RGS7: variants seen among roughly 807,000 people sequenced by gnomAD.
RGS7 encodes the protein regulator of G protein signaling 7.
RGS7 carries 27 observed loss-of-function variants against 81.1 expected under a neutral mutation model. That is an observed-to-expected ratio of 0.33 (90% CI 0.25 to 0.46). The LOEUF (loss-of-function observed/expected upper bound fraction) is 0.46. Among genes scored for constraint, RGS7 ranks in the 20% least tolerant of loss-of-function variants. The pLI, the probability that RGS7 is intolerant of heterozygous loss-of-function variation, is 1.00. For missense variants in RGS7, 396 were observed against 607.4 expected, an observed-to-expected ratio of 0.65 and a Z score of 3.66; for synonymous variants, 208 against 207.7, an observed-to-expected ratio of 1.00 and a Z score of -0.01.
At chr1:240,783,651 A>G (rs970479841) in intron 18 of RGS7, among the ~76,000 whole-genome samples, 1 of 151,830 alleles carries the variant, frequency 6.6e-6, no homozygotes, top group Non-Finnish European at 1.5e-5. Context: ...AAAATAAAAA[A>G]AAATCGTTCT....
chr1:241,122,405 G>A (rs1420891569), intron 2 of RGS7, among the ~76,000 whole-genome samples: 1 of 152,108 alleles, frequency 6.6e-6, no homozygotes, highest in African/African-American at 2.4e-5. Flanking sequence ...TCTGATGCCT[G>A]TAATCCCAGA....
chr1:240,818,135 A>T (rs1199348343), intron 10 of RGS7, among the ~76,000 whole-genome samples: 1 of 152,042 alleles, frequency 6.6e-6, no homozygotes, highest in African/African-American at 2.4e-5. Context: ...CAACACAAGG[A>T]TTTGCTCATA....
intron 4 of RGS7, among the ~76,000 whole-genome samples, chr1:240,959,943 T>G (rs1309315334): frequency 1.3e-5 from 2 of 152,088 alleles, no homozygotes; most frequent in Non-Finnish European, 2.9e-5. Context: ...GTGGTTCACC[T>G]GAGGTCAGGA....
intron 3 of RGS7, among the ~76,000 whole-genome samples, chr1:241,030,313 G>A (rs558315447): frequency 6.9e-6 from 1 of 144,972 alleles, no homozygotes; most frequent in Non-Finnish European, 1.5e-5. Flanking sequence ...CCCTCCCACA[G>A]GGCTTGGAAT....
intron 2 of RGS7, among the ~76,000 whole-genome samples, chr1:241,213,818 G>A (rs2074390004): frequency 6.6e-6 from 1 of 152,196 alleles, no homozygotes; most frequent in Admixed American, 6.5e-5. Flanking sequence ...AGGCTGGAGT[G>A]TAGCAGTGCA....
intron 3 of RGS7, among the ~76,000 whole-genome samples, chr1:241,049,654 A>G (rs1049193019): frequency 1.4e-4 from 21 of 152,162 alleles, no homozygotes; most frequent in Admixed American, 5.9e-4. Context: ...TGTTGGACGA[A>G]CTGTTGGTGC....
chr1:241,241,356 C>A (rs1405875192), intron 2 of RGS7, among the ~76,000 whole-genome samples: 1 of 151,792 alleles, frequency 6.6e-6, no homozygotes. Flanking sequence ...ATGACAAAAA[C>A]CACAATTACT....
chr1:240,802,694 A>C (rs1247818227), intron 16 of RGS7, among the ~76,000 whole-genome samples: 1 of 152,178 alleles, frequency 6.6e-6, no homozygotes, highest in Non-Finnish European at 1.5e-5. Context: ...GAACATCTGC[A>C]GAAACAAACA....
Position 240,775,693 on chromosome 1 carries a change from TTG to T in RGS7, c.*525_*526del, listed in dbSNP as rs1425492006. 1 of 165,776 alleles carries T rather than the reference TTG, an allele frequency of 6.0e-6. No individual in the cohort carries two copies. 10.3% of individuals were successfully genotyped at this position (165,776 alleles called of 1,614,324 possible). Reference sequence around the variant, plus strand: ...ACAGACAACAGACGAAGACATGAGTTTGTTTCTGACTGTGACACATTGGTGAA... The same window carrying T: ...ACAGACAACAGACGAAGACATGAGTTTTTCTGACTGTGACACATTGGTGAA... On this transcript the variant is annotated 3_prime_UTR_variant, in exon 19 of 19. Transcript: ENST00000440928.
At chr1:241,347,771 A>G (rs1171208211) in intron 2 of RGS7, among the ~76,000 whole-genome samples, 1 of 152,190 alleles carries the variant, frequency 6.6e-6, no homozygotes, top group African/African-American at 2.4e-5. Context: ...CAGACCACTG[A>G]AAGTTTCAAA....
chr1:241,141,670 G>T (rs1419298838), intron 2 of RGS7, among the ~76,000 whole-genome samples: 1 of 152,144 alleles, frequency 6.6e-6, no homozygotes, highest in Non-Finnish European at 1.5e-5. Flanking sequence ...CCACCCCTAT[G>T]ATTCAATTAC....
chr1:241,238,678 A>T (rs1325669966), intron 2 of RGS7, among the ~76,000 whole-genome samples: 1 of 151,920 alleles, frequency 6.6e-6, no homozygotes, highest in Non-Finnish European at 1.5e-5. Flanking sequence ...AGGATTACAC[A>T]TGTGTGTCAC....
chr1:241,239,926 G>T (rs1227172753), intron 2 of RGS7, among the ~76,000 whole-genome samples: 2 of 152,170 alleles, frequency 1.3e-5, no homozygotes, highest in African/African-American at 4.8e-5. Flanking sequence ...AGACCACTAG[G>T]TCACTTGGTC....
intron 18 of RGS7, among the ~76,000 whole-genome samples, chr1:240,794,107 G>T (rs763496093): frequency 1.3e-5 from 2 of 152,020 alleles, no homozygotes; most frequent in African/African-American, 2.4e-5. Flanking sequence ...TGAGTGTTTT[G>T]TGAAGCAGAT....
At chr1:241,009,266 G>A (rs1197657505) in intron 3 of RGS7, among the ~76,000 whole-genome samples, 2 of 152,198 alleles carry the variant, frequency 1.3e-5, no homozygotes, top group African/African-American at 4.8e-5. Context: ...GCCTTGTATG[G>A]AAAATATTAT....
chr1:241,313,507 G>C (rs757386945), intron 2 of RGS7, among the ~76,000 whole-genome samples: 10 of 152,166 alleles, frequency 6.6e-5, no homozygotes, highest in Non-Finnish European at 1.3e-4. Context: ...ACAAGGCCCA[G>C]GCAATGCTCA....
chr1:240,778,924 C>T (rs1422345632), intron 18 of RGS7, among the ~76,000 whole-genome samples: 1 of 151,966 alleles, frequency 6.6e-6, no homozygotes, highest in East Asian at 1.9e-4. Flanking sequence ...AGTTTATTAA[C>T]AACAGACCCT....
intron 2 of RGS7, among the ~76,000 whole-genome samples, chr1:241,106,699 G>C (rs2065121455): frequency 8.0e-6 from 1 of 125,364 alleles, no homozygotes; most frequent in African/African-American, 3.0e-5. Context: ...CTGGGTGACA[G>C]AGCGAGACTC....
At chr1:241,097,455 C>T (rs977827452) in intron 3 of RGS7, among the ~76,000 whole-genome samples, 1 of 152,102 alleles carries the variant, frequency 6.6e-6, no homozygotes, top group African/African-American at 2.4e-5. Context: ...GACACGGAGG[C>T]CGCTTCCCTA....
Sources: allele counts gnomAD v4.1 joint callset (sites outside exome capture counted in the v4.1 genomes callset), GRCh38; gene constraint gnomAD v4.1.1; transcripts MANE v1.5; gene names NCBI Gene and HGNC (gene_info 2026-07-23, HGNC 2026-07-21).